GUCY2F: variants seen among roughly 807,000 people sequenced by gnomAD.
GUCY2F encodes the protein retinal guanylyl cyclase 2.
Under a neutral mutation model 73.1 loss-of-function variants are expected in GUCY2F, and 61 were observed. The observed-to-expected ratio is 0.83, with a 90% CI of 0.68 to 1.03. The LOEUF (loss-of-function observed/expected upper bound fraction) is 1.03. GUCY2F is among the 50% of genes least tolerant of loss of function. The probability of loss-of-function intolerance (pLI) is 0.00; values close to 1 mark genes in which losing one functional copy is unlikely to be tolerated. For missense variants in GUCY2F, 912 were observed against 854.3 expected (o/e 1.07, Z -0.84); for synonymous variants, 331 against 307.8 (o/e 1.08, Z -0.79).
chrX:109,477,908 T>G (rs898089523), intron 1 of GUCY2F, among the ~76,000 whole-genome samples: 1 of 111,761 alleles, frequency 8.9e-6, no homozygotes, highest in African/African-American at 3.3e-5. Context: ...TGCCCCAACA[T>G]TCGTATATTG....
At chrX:109,402,894 G>C (rs769245213) in intron 10 of GUCY2F, among the ~76,000 whole-genome samples, 57 of 111,613 alleles carry the variant, frequency 5.1e-4, no homozygotes, top group African/African-American at 1.8e-3. Context: ...CCAATGACTG[G>C]ACTCTCTGTC....
Position 109,441,486 on chromosome X carries a change from T to C in GUCY2F, c.1570-4A>G. 8.6e-7 allele frequency: 1 copy of C among 1,158,595 alleles called. No individual in the cohort carries two copies. The highest frequency in any genetic ancestry group is 1.2e-6 in the Non-Finnish European group (1 of 867,228). On this transcript the variant is annotated splice_region_variant and splice_polypyrimidine_tract_variant and intron_variant, in intron 6 of 19. Transcript: ENST00000218006. Reference sequence around the variant, plus strand: ...TTACACTGGCACGACTTCCTCTCTGTGAAAGGATTAGGAAAGAAAAGTTAT... The same window carrying C: ...TTACACTGGCACGACTTCCTCTCTGCGAAAGGATTAGGAAAGAAAAGTTAT...
intron 8 of GUCY2F, among the ~76,000 whole-genome samples, chrX:109,428,207 T>C (rs1342852796): frequency 8.9e-6 from 1 of 112,242 alleles, no homozygotes; most frequent in Non-Finnish European, 1.9e-5. Flanking sequence ...CCCAATGTTA[T>C]GTATTAATTA....
chrX:109,381,655 A>G (rs1238921985), intron 17 of GUCY2F, among the ~76,000 whole-genome samples: 1 of 112,463 alleles, frequency 8.9e-6, no homozygotes, highest in Admixed American at 9.4e-5. Context: ...AGGGAAAGAA[A>G]AAGTCTCTCT....
intron 3 of GUCY2F, among the ~76,000 whole-genome samples, chrX:109,462,560 A>G (rs1004535762): frequency 9.0e-6 from 1 of 111,071 alleles, no homozygotes; most frequent in African/African-American, 3.3e-5. Flanking sequence ...CTGCCTAGCA[A>G]CCAAGCTAAT....
chrX:109,429,128 T>C (rs1430515415), intron 8 of GUCY2F, among the ~76,000 whole-genome samples: 2 of 112,186 alleles, frequency 1.8e-5, no homozygotes, highest in Non-Finnish European at 3.8e-5. Flanking sequence ...AAATACCAAA[T>C]TGGCTGGGCG....
At chrX:109,417,664 T>TA (rs1251723238) in intron 8 of GUCY2F, among the ~76,000 whole-genome samples, 1 of 111,005 alleles carries the variant, frequency 9.0e-6, no homozygotes, top group Non-Finnish European at 1.9e-5. Context: ...GCCTTAAATG[T>TA]AAGTAGCCTA....
intron 12 of GUCY2F, 111 bp downstream of exon 12, chrX:109,395,230 T>C (rs937109399): frequency 2.1e-5 from 13 of 626,365 alleles, no homozygotes; most frequent in Middle Eastern, 4.9e-4. Flanking sequence ...GGAGTGCCCT[T>C]ACCCCTTGCA....
At chrX:109,438,890 G>A (rs756874965) in intron 7 of GUCY2F, among the ~76,000 whole-genome samples, 8 of 112,815 alleles carry the variant, frequency 7.1e-5, no homozygotes, top group African/African-American at 9.6e-5. Flanking sequence ...GACTCTTTGC[G>A]GTGGCGCAGA....
At chrX:109,458,740 T>A (rs2147279496) in intron 3 of GUCY2F, among the ~76,000 whole-genome samples, 1 of 111,434 alleles carries the variant, frequency 9.0e-6, no homozygotes, top group African/African-American at 3.3e-5. Flanking sequence ...ACAACTTTAA[T>A]AATAATAATG....
At chrX:109,449,855 G>A (rs754599474) in intron 5 of GUCY2F, among the ~76,000 whole-genome samples, 1 of 111,249 alleles carries the variant, frequency 9.0e-6, no homozygotes, top group Non-Finnish European at 1.9e-5. Flanking sequence ...GAAAGGAGGA[G>A]TTCAAAGAAT....
At chrX:109,432,961 G>C (rs990867437) in intron 7 of GUCY2F, among the ~76,000 whole-genome samples, 2 of 112,700 alleles carry the variant, frequency 1.8e-5, no homozygotes, top group African/African-American at 6.5e-5. Flanking sequence ...TATGTGCATA[G>C]CTGGGAGTGC....
intron 19 of GUCY2F, among the ~76,000 whole-genome samples, chrX:109,373,307 T>G (rs1298998569): frequency 8.9e-6 from 1 of 111,833 alleles, no homozygotes; most frequent in African/African-American, 3.3e-5. Context: ...ATTTGGAACT[T>G]GGAGTGGCTT....
At chrX:109,478,331 A>G (rs1478477720) in intron 1 of GUCY2F, among the ~76,000 whole-genome samples, 1 of 112,075 alleles carries the variant, frequency 8.9e-6, no homozygotes, top group Non-Finnish European at 1.9e-5. Flanking sequence ...GAGGCAGGAC[A>G]CTGTAGGAGC....
chrX:109,455,398 AC>A (rs959355708), intron 3 of GUCY2F, among the ~76,000 whole-genome samples: 3 of 111,779 alleles, frequency 2.7e-5, no homozygotes, highest in Admixed American at 9.5e-5. Context: ...TAACTATCTT[AC>A]TTTATAAGTA....
chrX:109,437,677 C>T (rs1220265769), intron 7 of GUCY2F, among the ~76,000 whole-genome samples: 2 of 112,914 alleles, frequency 1.8e-5, no homozygotes, highest in African/African-American at 6.4e-5. Context: ...ATCAGAATTG[C>T]TGAGGGTGGG....
chrX:109,463,037 A>G (rs1161689853), intron 3 of GUCY2F, among the ~76,000 whole-genome samples: 1 of 112,024 alleles, frequency 8.9e-6, no homozygotes, highest in Non-Finnish European at 1.9e-5. Context: ...AGCATTGTTA[A>G]TATCTCTGTT....
Position 109,423,409 on chromosome X carries a change from C to G in GUCY2F, c.1791+6898G>C, listed in dbSNP as rs148668554. 7.6e-3 allele frequency among the ~76,000 whole-genome samples: 835 copies of G among 110,374 alleles called. 19 individuals are homozygous for G. Among genetic ancestry groups the G allele is most frequent in the Admixed American group, 0.054 (556 of 10,287 alleles). On this transcript the variant is annotated intron_variant, in intron 8 of 19. Transcript: ENST00000218006. ...GGCATTTCAACGTGTGTAACTGTAC[C>G]TAAAAATACAGAATTGAAAATTAAT...
chrX:109,392,255 C>A, intron 13 of GUCY2F, 152 bp from the exon 14 acceptor site: 2 of 464,544 alleles, frequency 4.3e-6, no homozygotes, highest in South Asian at 7.4e-5. Flanking sequence ...TTAATTCGTT[C>A]ATTTATTCTA....
Sources: allele counts gnomAD v4.1 joint callset (sites outside exome capture counted in the v4.1 genomes callset), GRCh38; gene constraint gnomAD v4.1.1; transcripts MANE v1.5; gene names NCBI Gene and HGNC (gene_info 2026-07-23, HGNC 2026-07-21).